NTRK3: variants seen among roughly 807,000 people sequenced by gnomAD.
NTRK3 encodes neurotrophic receptor tyrosine kinase 3.
NTRK3 carries 24 observed loss-of-function variants against 91.7 expected under a neutral mutation model. The ratio of observed to expected loss-of-function variants is 0.26; its 90% CI spans 0.19 to 0.37. The LOEUF is 0.37. NTRK3 is among the 10% of genes least tolerant of loss of function. NTRK3 has a pLI of 1.00. For missense variants in NTRK3, 880 were observed against 1,068.9 expected (o/e 0.82, Z 2.46); for synonymous variants, 483 against 404.0 (o/e 1.20, Z -2.34).
In NTRK3 at chr15:88,243,737, T is replaced by C. The variant is rs1223425048; in HGVS notation, c.248+12169A>G. Among the ~76,000 whole-genome samples, 2 of 152,144 alleles carry C rather than the reference T, an allele frequency of 1.3e-5. No individual in the cohort carries two copies. Among genetic ancestry groups the C allele is most frequent in the African/African-American group, 4.8e-5 (2 of 41,426 alleles). On this transcript the variant is annotated intron_variant, in intron 3 of 18. Coordinates refer to ENST00000394480, the Ensembl canonical transcript of NTRK3. This position sits in a 1 kb window ranked among gnomAD's most constrained non-coding sequence, Gnocchi z 4.8. ...CAACCAGATAGACTGTATGAAAGCA[T>C]GTCAAAAAGAGTGGTGCCCCAGGAA... is the stretch of plus-strand genomic sequence containing the variant.
In NTRK3 at chr15:88,054,664, C is replaced by A. The variant is rs577981588; in HGVS notation, c.1397-21619G>T. ...GGTAGCTAACATTATGAGGGCAACC[C>A]CAGAGATGAGGCCAAAATACTCCTG... On this transcript the variant is annotated intron_variant, in intron 13 of 18. Transcript: ENST00000394480. Among the ~76,000 whole-genome samples the A allele has an allele frequency of 2.0e-5, 3 of 151,956 alleles. 1 individual carries two copies. The South Asian group carries it at 6.3e-4, about 32-fold the overall frequency.
chr15:88,019,458 C>G (rs2077459062), intron 14 of NTRK3, among the ~76,000 whole-genome samples: 1 of 152,230 alleles, frequency 6.6e-6, no homozygotes, highest in Non-Finnish European at 1.5e-5. Flanking sequence ...AGTTCCATTC[C>G]CAGCCCCAGG....
chr15:88,017,724 G>C (rs868367364), intron 14 of NTRK3, among the ~76,000 whole-genome samples: 1 of 152,084 alleles, frequency 6.6e-6, no homozygotes, highest in African/African-American at 2.4e-5. Context: ...TCACATCCCA[G>C]GCACAGGCTC....
rs369089639 is a variant in NTRK3 at position 87,951,403 on chromosome 15, C to G, written c.1586-10650G>C. Reference sequence around the variant, plus strand: ...AGAGAGTAAGTGGTGTTGGCAAAGACCAGCATTCAATTTTTATGTGATAGG... The same window carrying G: ...AGAGAGTAAGTGGTGTTGGCAAAGAGCAGCATTCAATTTTTATGTGATAGG... On this transcript the variant is annotated intron_variant, in intron 14 of 18. Transcript: ENST00000394480. 7.2e-5 allele frequency among the ~76,000 whole-genome samples: 11 copies of G among 152,182 alleles called. 1 individual carries two copies. Among genetic ancestry groups the G allele is most frequent in the African/African-American group, 2.7e-4 (11 of 41,440 alleles).
chr15:87,900,690 GGT>G (rs61498493), intron 17 of NTRK3, among the ~76,000 whole-genome samples: 3,872 of 138,296 alleles, frequency 0.028, 61 homozygotes, highest in Middle Eastern at 0.061. Flanking sequence ...CTTTACAGAG[GGT>G]GTGTGTGTGT....
chr15:88,249,700 C>T (rs1019232626), intron 3 of NTRK3, among the ~76,000 whole-genome samples: 4 of 152,268 alleles, frequency 2.6e-5, no homozygotes, highest in East Asian at 1.9e-4. Flanking sequence ...TTGGTGTTAG[C>T]CTCACTGGAG....
chr15:88,036,093 T>C (rs7164934), intron 13 of NTRK3, among the ~76,000 whole-genome samples: 2 of 151,986 alleles, frequency 1.3e-5, no homozygotes, highest in Non-Finnish European at 2.9e-5. Flanking sequence ...AAGAGATGAA[T>C]GGAAAACTGA....
chr15:88,020,245 T>C (rs1306935573), intron 14 of NTRK3, among the ~76,000 whole-genome samples: 3 of 152,042 alleles, frequency 2.0e-5, no homozygotes, highest in African/African-American at 7.2e-5. Context: ...TCGCCATGAA[T>C]CTCTCTGCCA....
At chr15:88,025,652 G>A (rs929620517) in intron 14 of NTRK3, among the ~76,000 whole-genome samples, 3 of 152,200 alleles carry the variant, frequency 2.0e-5, no homozygotes, top group Admixed American at 2.0e-4. Flanking sequence ...TCCCTTATAG[G>A]TTTCAGAGGG....
At chr15:88,067,854 G>A (rs1470222189) in intron 13 of NTRK3, among the ~76,000 whole-genome samples, 1 of 152,186 alleles carries the variant, frequency 6.6e-6, no homozygotes, top group Non-Finnish European at 1.5e-5. Flanking sequence ...TACATGAAAA[G>A]TCCTTGACAC....
At chr15:88,109,354 C>A (rs572255331) in intron 13 of NTRK3, among the ~76,000 whole-genome samples, 16 of 152,190 alleles carry the variant, frequency 1.1e-4, no homozygotes, top group Non-Finnish European at 1.6e-4. Flanking sequence ...CCCAACCTCA[C>A]CAACCTCGAA....
At chr15:87,930,473 T>C (rs1020513803) in intron 16 of NTRK3, among the ~76,000 whole-genome samples, 1 of 152,082 alleles carries the variant, frequency 6.6e-6, no homozygotes, top group African/African-American at 2.4e-5. Context: ...CTATCTCCGG[T>C]GGGCTCTGCC....
intron 13 of NTRK3, among the ~76,000 whole-genome samples, chr15:88,042,726 G>T (rs1441335398): frequency 6.6e-6 from 1 of 152,136 alleles, no homozygotes; most frequent in Non-Finnish European, 1.5e-5. Context: ...ATGGGTATTT[G>T]GACTCAGCTT....
chr15:88,073,805 G>A (rs548850793), intron 13 of NTRK3, among the ~76,000 whole-genome samples: 9 of 150,688 alleles, frequency 6.0e-5, no homozygotes, highest in East Asian at 5.9e-4. Flanking sequence ...GCAGGGAAGA[G>A]GAAATAGAGA....
chr15:87,872,512 C>G (rs2064848206), exon 19 of NTRK3: 1 of 228,534 alleles, frequency 4.4e-6, no homozygotes, highest in Admixed American at 5.7e-5. Flanking sequence ...ATGGGCAGGC[C>G]TCTCTCCATA....
At chr15:88,088,919 C>G (rs1421054961) in intron 13 of NTRK3, among the ~76,000 whole-genome samples, 2 of 152,092 alleles carry the variant, frequency 1.3e-5, no homozygotes, top group African/African-American at 4.8e-5. Context: ...TAAAATGGAA[C>G]TAAAAATATT....
intron 13 of NTRK3, chr15:88,072,705 G>A (rs2047197527): frequency 4.3e-6 from 1 of 232,896 alleles, no homozygotes; most frequent in Non-Finnish European, 8.5e-6. Context: ...GAGGGCAGAG[G>A]TATGATGGGC....
chr15:88,238,653 C>A (rs1342387950), intron 3 of NTRK3, among the ~76,000 whole-genome samples: 1 of 152,226 alleles, frequency 6.6e-6, no homozygotes, highest in Non-Finnish European at 1.5e-5. Flanking sequence ...GTATGTCACT[C>A]TGCAACTTAT....
chr15:88,145,093 C>G (rs1465289366), intron 6 of NTRK3, among the ~76,000 whole-genome samples: 3 of 152,186 alleles, frequency 2.0e-5, no homozygotes, highest in African/African-American at 7.2e-5. Context: ...AGCCCACAGG[C>G]TCCATCGAGC....
Sources: allele counts gnomAD v4.1 joint callset (sites outside exome capture counted in the v4.1 genomes callset), GRCh38; gene constraint gnomAD v4.1.1; non-coding constraint Gnocchi (gnomAD v3.1); transcripts MANE v1.5; gene names NCBI Gene and HGNC (gene_info 2026-07-23, HGNC 2026-07-21).